Variants in NIBAN1 observed in about 807,000 individuals in gnomAD.
The protein encoded by NIBAN1 is protein Niban 1.
In NIBAN1, 81 loss-of-function variants were observed where a neutral mutation model predicts 75.1. The ratio of observed to expected loss-of-function variants is 1.08; its 90% confidence interval spans 0.90 to 1.30. NIBAN1 has a LOEUF of 1.30. Ranked by LOEUF, NIBAN1 falls within the 50% of genes most tolerant of loss-of-function variation. NIBAN1 has a pLI of 0.00. For synonymous variants in NIBAN1, 436 were observed against 424.8 expected (o/e 1.03, Z -0.32); for missense variants, 1,133 against 1,128.1 (o/e 1.00, Z -0.06).
chr1:184,903,109 T>G (rs902033799), intron 1 of NIBAN1, among the ~76,000 whole-genome samples: 3 of 152,234 alleles, frequency 2.0e-5, no homozygotes, highest in African/African-American at 7.2e-5. Context: ...AAATTTAGTA[T>G]CACATTCTCT....
chr1:184,899,741 A>T (rs1307000858), intron 1 of NIBAN1, among the ~76,000 whole-genome samples: 1 of 150,886 alleles, frequency 6.6e-6, no homozygotes, highest in East Asian at 1.9e-4. Context: ...ACCTCCAGTC[A>T]TTCAGCTCCT....
chr1:184,834,448 G>C lies in NIBAN1; in HGVS notation c.602-2486C>G, dbSNP rs188435757. Among the ~76,000 whole-genome samples, 4 of 152,248 alleles carry C rather than the reference G, an allele frequency of 2.6e-5. No individual in the cohort carries two copies. The East Asian group carries it at 7.7e-4, about 29-fold the overall frequency. ...GGAATCACCACAGTCTTCCATAATG[G>C]TTGAACTAGTTTACACTCCCACCAA... On this transcript the variant is annotated intron_variant, in intron 5 of 13. Coordinates refer to ENST00000367511, the MANE Select transcript of NIBAN1 (RefSeq NM_052966.4).
chr1:184,834,699 G>T (rs569119235), intron 5 of NIBAN1, among the ~76,000 whole-genome samples: 1 of 152,144 alleles, frequency 6.6e-6, no homozygotes, highest in East Asian at 1.9e-4. Flanking sequence ...CTTTTTGATG[G>T]GGTTGTTTTT....
chr1:184,825,692 C>G (rs925320827), intron 6 of NIBAN1, among the ~76,000 whole-genome samples: 1 of 152,236 alleles, frequency 6.6e-6, no homozygotes, highest in African/African-American at 2.4e-5. Flanking sequence ...ACTGGCCCTT[C>G]CTTCTTTACC....
Position 184,795,450 on chromosome 1 carries a change from C to G in NIBAN1, c.2314G>C (p.Glu772Gln). Residue 772 changes from glutamate (E) to glutamine (Q), a missense_variant, in exon 14 of 14, where the codon GAG becomes CAG. Physicochemically the swap from Glu to Gln is conservative, Grantham distance 29 (BLOSUM62 2). Transcript: ENST00000367511. ...GCCTCGGGACAGGGAGGTTGGGCCT[C>G]CCTCTCGCTGACTTCACTTTCTTCA... The part of the protein sequence containing the change: ...NCEESEVSER[E>Q]AQPPCPEAHG... 1.2e-6 allele frequency: 2 copies of G among 1,608,594 alleles called. No individual in the cohort carries two copies. The highest frequency in any genetic ancestry group is 1.7e-6 in the Non-Finnish European group (2 of 1,177,298).
At chr1:184,971,876 C>G (rs1204626928) in intron 1 of NIBAN1, among the ~76,000 whole-genome samples, 1 of 152,194 alleles carries the variant, frequency 6.6e-6, no homozygotes, top group Non-Finnish European at 1.5e-5. Context: ...CCCAAACTAA[C>G]ATCTTTAGAA....
chr1:184,912,827 G>A (rs13375652), intron 1 of NIBAN1, among the ~76,000 whole-genome samples: 4 of 152,072 alleles, frequency 2.6e-5, no homozygotes, highest in African/African-American at 4.8e-5. Context: ...TAGCATTTAC[G>A]TGCAAACTAT....
Position 184,831,898 on chromosome 1 carries a change from C to T in NIBAN1, c.666G>A (p.Gln222=), listed in dbSNP as rs982103213. The T allele has an allele frequency of 1.2e-6, 2 of 1,614,154 alleles. No homozygotes were observed. Among genetic ancestry groups the T allele is most frequent in the Middle Eastern group, 1.6e-4 (1 of 6,062 alleles). The stretch of plus-strand genomic sequence containing the variant: ...CCCAGGAACCATAGTGACCCTTCTC[C>T]TGTCGGAAGAATTGCACAGCTTCTA... ...AFLEAVQFFR[Q]EKGHYGSWEM... Residue 222 remains glutamine (Q), a synonymous_variant, in exon 6 of 14, where the codon CAG becomes CAA. Transcript: ENST00000367511.
chr1:184,838,070 C>A (rs1655185855), intron 5 of NIBAN1, among the ~76,000 whole-genome samples: 1 of 152,136 alleles, frequency 6.6e-6, no homozygotes, highest in Non-Finnish European at 1.5e-5. Flanking sequence ...TTTCTGATCT[C>A]TAACCTCTTT....
At position 184,899,265 on chromosome 1, in the gene NIBAN1, G is replaced by A. The variant is rs566988704; in HGVS notation, c.100C>T (p.Arg34Cys). ...TTGCAGAAAGCCACAGAGTACTGAC[G>A]ACTGTAGTAGGGACTGAAGTTTTTG... The part of the protein sequence containing the change: ...AIKNFSPYYS[R>C]QYSVAFCNHV... Residue 34 changes from arginine (R) to cysteine (C), a missense_variant, in exon 2 of 14, where the codon CGT becomes TGT. Transcript: ENST00000367511. 2.6e-5 allele frequency: 42 copies of A among 1,613,824 alleles called. No homozygotes were observed. The African/African-American group carries it at 3.2e-4, about 12-fold the overall frequency.
intron 3 of NIBAN1, among the ~76,000 whole-genome samples, chr1:184,890,486 C>T (rs749128773): frequency 3.9e-5 from 6 of 152,154 alleles, no homozygotes; most frequent in Admixed American, 6.6e-5. Context: ...GGTATGTTCT[C>T]GAATGTGGAA....
At chr1:184,814,470 T>C (rs1420183139) in intron 9 of NIBAN1, among the ~76,000 whole-genome samples, 1 of 152,210 alleles carries the variant, frequency 6.6e-6, no homozygotes, top group African/African-American at 2.4e-5. Context: ...AGGTTTTTGT[T>C]TACCTTTTAA....
rs142225173 is a variant in NIBAN1 at position 184,794,992 on chromosome 1, C to A, written c.2772G>T (p.Leu924=). 2.6e-5 allele frequency: 42 copies of A among 1,610,756 alleles called. No homozygotes were observed. The African/African-American group carries it at 3.7e-4, about 14-fold the overall frequency. The part of the protein sequence containing the change: ...GEGGQESFPE[L]PSEE ...ATTGTCCCTTTCACTCCTCTGAGGG[C>A]AGCTCTGGGAAACTCTCCTGACCAC... The change falls in exon 14 of 14, where the codon CTG becomes CTT. Residue 924 remains leucine, a synonymous_variant. Transcript: ENST00000367511.
chr1:184,913,593 T>G (rs1195108827), intron 1 of NIBAN1, among the ~76,000 whole-genome samples: 1 of 152,220 alleles, frequency 6.6e-6, no homozygotes, highest in Non-Finnish European at 1.5e-5. Context: ...GTACTTATAG[T>G]TCTGTATTAT....
chr1:184,914,635 G>A (rs536900644), intron 1 of NIBAN1, among the ~76,000 whole-genome samples: 35 of 152,110 alleles, frequency 2.3e-4, no homozygotes, highest in Admixed American at 2.2e-3. Flanking sequence ...GATACATATG[G>A]GTAGTAACAT....
chr1:184,791,368 AC>A lies in NIBAN1; in HGVS notation c.*3608del, dbSNP rs1653691972. The A allele has an allele frequency of 6.4e-6, 1 of 157,314 alleles. No homozygotes were observed. Among genetic ancestry groups the A allele is most frequent in the African/African-American group, 2.4e-5 (1 of 41,478 alleles). The allele number at this position is 157,314 out of a possible 1,614,324, so 9.7% of individuals were successfully genotyped here. A position where few individuals can be genotyped will look rare whatever the true frequency, so the allele number is the denominator to read the frequency against. On this transcript the variant is annotated 3_prime_UTR_variant, in exon 14 of 14. Transcript: ENST00000367511. ...CACTTTTGTCTTGGGGAATTGTGAAACCTTTTGAAATCACTAGCTCTGACAT... is the reference window on the plus strand; with the variant it reads ...CACTTTTGTCTTGGGGAATTGTGAAACTTTTGAAATCACTAGCTCTGACAT...
chr1:184,875,168 C>T (rs1656200023), intron 5 of NIBAN1, among the ~76,000 whole-genome samples: 2 of 152,178 alleles, frequency 1.3e-5, no homozygotes, highest in African/African-American at 4.8e-5. Context: ...AGAGAGAAAT[C>T]TATAGCATTT....
intron 2 of NIBAN1, among the ~76,000 whole-genome samples, chr1:184,897,277 AGTGTGTGTGT>A (rs34548568): frequency 4.5e-5 from 6 of 132,686 alleles, no homozygotes; most frequent in African/African-American, 1.1e-4. Context: ...TGTACTCCTA[AGTGTGTGTGT>A]GTGTGTGTGT....
intron 1 of NIBAN1, among the ~76,000 whole-genome samples, chr1:184,920,183 C>T (rs961575362): frequency 1.3e-5 from 2 of 152,066 alleles, no homozygotes; most frequent in Non-Finnish European, 2.9e-5. Context: ...ACTCAGAGCC[C>T]ATGACTAAAT....
Sources: allele counts gnomAD v4.1 joint callset (sites outside exome capture counted in the v4.1 genomes callset), GRCh38; gene constraint gnomAD v4.1.1; transcripts MANE v1.5; gene names NCBI Gene and HGNC (gene_info 2026-07-23, HGNC 2026-07-21).